MBD5: variants seen among roughly 807,000 people sequenced by gnomAD.
The protein encoded by MBD5 is methyl-CpG binding domain protein 5, also known as methyl-CpG-binding domain protein 5.
In MBD5, 13 loss-of-function variants were observed where a neutral mutation model predicts 117.3. The observed-to-expected ratio is 0.11, with a 90% confidence interval of 0.07 to 0.18. The LOEUF is 0.18. MBD5 is among the 10% of genes least tolerant of loss of function. The pLI, the probability that MBD5 is intolerant of heterozygous loss-of-function variation, is 1.00. For missense variants in MBD5, 1,879 were observed against 2,093.8 expected (o/e 0.90, Z 2.00); for synonymous variants, 727 against 766.4 (o/e 0.95, Z 0.85).
intron 2 of MBD5, among the ~76,000 whole-genome samples, chr2:148,184,760 T>G (rs1373694529): frequency 6.6e-6 from 1 of 152,184 alleles, no homozygotes; most frequent in Non-Finnish European, 1.5e-5. Context: ...TGACATCACA[T>G]GTGGGAAGAG....
chr2:148,364,778 A>G (rs1222110930), intron 4 of MBD5, among the ~76,000 whole-genome samples: 2 of 152,222 alleles, frequency 1.3e-5, no homozygotes, highest in Admixed American at 6.5e-5. Context: ...GATCAATGCA[A>G]CAAGAAGAGC....
intron 4 of MBD5, among the ~76,000 whole-genome samples, chr2:148,383,319 T>C (rs1231846710): frequency 6.6e-6 from 1 of 152,170 alleles, no homozygotes; most frequent in Admixed American, 6.5e-5. Context: ...CAGAGAATAC[T>C]ATAAACACTT....
intron 3 of MBD5, among the ~76,000 whole-genome samples, chr2:148,293,437 C>A (rs1015220966): frequency 6.6e-6 from 1 of 151,896 alleles, no homozygotes; most frequent in Non-Finnish European, 1.5e-5. Flanking sequence ...GGATGGATAC[C>A]CCAGTCTCCA....
At chr2:148,242,984 G>A (rs935381938) in intron 3 of MBD5, among the ~76,000 whole-genome samples, 4 of 152,124 alleles carry the variant, frequency 2.6e-5, no homozygotes, top group Admixed American at 2.6e-4. Context: ...AACTGGTTGA[G>A]GTTGCATTAA....
At chr2:148,375,995 T>G (rs1703975612) in intron 4 of MBD5, among the ~76,000 whole-genome samples, 1 of 151,462 alleles carries the variant, frequency 6.6e-6, no homozygotes, top group African/African-American at 2.4e-5. Context: ...TCTTTGTTAT[T>G]GGGGCTTTCC....
chr2:148,408,753 C>G (rs1705158066), intron 4 of MBD5, among the ~76,000 whole-genome samples: 1 of 152,056 alleles, frequency 6.6e-6, no homozygotes, highest in African/African-American at 2.4e-5. Context: ...ATTCTACATC[C>G]ATGGATTTAA....
intron 4 of MBD5, among the ~76,000 whole-genome samples, chr2:148,445,293 C>G (rs533346149): frequency 4.6e-5 from 7 of 151,142 alleles, no homozygotes; most frequent in Middle Eastern, 6.8e-3. Flanking sequence ...CCGCTCCCCC[C>G]ACCCCATGAC....
intron 4 of MBD5, among the ~76,000 whole-genome samples, chr2:148,402,070 T>G (rs1275302034): frequency 6.6e-6 from 1 of 152,178 alleles, no homozygotes; most frequent in African/African-American, 2.4e-5. Context: ...ATCTTATTAT[T>G]GATGAGACTA....
At chr2:148,117,184 A>G (rs967210032) in intron 1 of MBD5, among the ~76,000 whole-genome samples, 1 of 152,134 alleles carries the variant, frequency 6.6e-6, no homozygotes, top group Admixed American at 6.6e-5. Flanking sequence ...CCCATAAGAG[A>G]AGCTGAAAAA....
intron 4 of MBD5, among the ~76,000 whole-genome samples, chr2:148,357,272 A>G (rs1367304413): frequency 6.6e-6 from 1 of 152,198 alleles, no homozygotes; most frequent in Non-Finnish European, 1.5e-5. Context: ...GCACACCTTT[A>G]AAGACTGTGG....
chr2:148,102,739 G>C (rs200339163), intron 1 of MBD5, among the ~76,000 whole-genome samples: 33,693 of 105,050 alleles, frequency 0.32, 4,292 homozygotes, highest in East Asian at 0.48. Context: ...CAGAGAGAGA[G>C]AGAGAGAGAG....
chr2:148,207,243 A>G (rs1351529813), intron 2 of MBD5, among the ~76,000 whole-genome samples: 1 of 152,148 alleles, frequency 6.6e-6, no homozygotes, highest in Non-Finnish European at 1.5e-5. Context: ...AATTAACTGT[A>G]CACTCACATA....
At chr2:148,468,162 A>G (rs1226781950) in intron 7 of MBD5, among the ~76,000 whole-genome samples, 179 bp from the exon 8 acceptor site, 1 of 152,186 alleles carries the variant, frequency 6.6e-6, no homozygotes, top group Non-Finnish European at 1.5e-5. Context: ...CAAATTTAAA[A>G]TAGTATTAAT....
rs1421387420 is a variant in MBD5, at chr2:148,489,335, G to T, written c.3754-51G>T. 7 of 1,603,022 alleles carry T rather than the reference G, an allele frequency of 4.4e-6. No individual in the cohort carries two copies. The East Asian group carries it at 9.0e-5, about 21-fold the overall frequency. On this transcript the variant is annotated intron_variant, in intron 10 of 13. Transcript: ENST00000642680. ...TAAAATTATAGTCTTTCTCTTTGAG[G>T]CCTCAAAATTATTTCCCTTTCTCTC...
intron 8 of MBD5, among the ~76,000 whole-genome samples, chr2:148,474,027 A>G (rs546225463): frequency 1.1e-4 from 17 of 152,274 alleles, no homozygotes; most frequent in Admixed American, 7.2e-4. Flanking sequence ...CCAAATCCCA[A>G]AGTTCCCAAT....
intron 1 of MBD5, among the ~76,000 whole-genome samples, chr2:148,154,026 G>A (rs1280910822): frequency 9.8e-6 from 1 of 102,200 alleles, no homozygotes; most frequent in Non-Finnish European, 2.1e-5. Context: ...CTGCGTTTTA[G>A]AGTTTCCAGT....
chr2:148,284,174 C>T (rs1188627033), intron 3 of MBD5, among the ~76,000 whole-genome samples: 1 of 152,198 alleles, frequency 6.6e-6, no homozygotes, highest in Non-Finnish European at 1.5e-5. Flanking sequence ...AGAGCTTCTT[C>T]ATTTCTCTTT....
At position 148,458,649 on chromosome 2, in the gene MBD5, TG is replaced by T; in HGVS notation, c.-107del. The stretch of plus-strand genomic sequence containing the variant: ...GCTTCCCAATGCGTTTTGTACAGTC[TG>T]GGAAAAACTGTGCTGCACTGGCCCA... On this transcript the variant is annotated 5_prime_UTR_variant, in exon 5 of 14. The change abolishes the stop of an existing upstream ORF in the 5' untranslated region. Transcript: ENST00000642680. The T allele has an allele frequency of 1.1e-6, 1 of 893,660 alleles. No individual in the cohort carries two copies. Among genetic ancestry groups the T allele is most frequent in the Non-Finnish European group, 1.9e-6 (1 of 535,624 alleles). 55.4% of individuals were successfully genotyped at this position (893,660 alleles called of 1,614,324 possible).
In MBD5 at chr2:148,468,545, A is replaced by G; in HGVS notation, c.602A>G (p.Gln201Arg). ...GAACTCCACCCTGTCTACCCCCGAC[A>G]GAGATTGGGCAGCAGTGAACATGGA... ...QQELHPVYPR[Q>R]RLGSSEHGQK... The change falls in exon 8 of 14, where the codon CAG becomes CGG. Residue 201 changes from glutamine to arginine, a missense_variant. Gln to Arg is a conservative substitution (Grantham distance 43). Coordinates refer to ENST00000642680, the MANE Select transcript of MBD5 (RefSeq NM_001378120.1). 6.2e-7 allele frequency: 1 copy of G among 1,613,878 alleles called. No homozygotes were observed. Among genetic ancestry groups the G allele is most frequent in the Non-Finnish European group, 8.5e-7 (1 of 1,179,814 alleles).
Sources: allele counts gnomAD v4.1 joint callset (sites outside exome capture counted in the v4.1 genomes callset), GRCh38; gene constraint gnomAD v4.1.1; transcripts MANE v1.5; gene names NCBI Gene and HGNC (gene_info 2026-07-23, HGNC 2026-07-21).